NEBL: variants seen among roughly 807,000 people sequenced by gnomAD.
NEBL encodes nebulette, also known as LIM and SH3 protein 2.
A neutral mutation model predicts 140.2 loss-of-function variants in NEBL; 122 were observed. The observed-to-expected ratio is 0.87, with a 90% confidence interval of 0.75 to 1.01. The LOEUF (loss-of-function observed/expected upper bound fraction) is 1.01. NEBL is among the 50% of genes least tolerant of loss of function. The pLI, the probability that NEBL is intolerant of heterozygous loss-of-function variation, is 0.00. For missense variants in NEBL, 1,365 were observed against 1,231.3 expected, an observed-to-expected ratio of 1.11 and a Z score of -1.62; for synonymous variants, 436 against 398.9, an observed-to-expected ratio of 1.09 and a Z score of -1.11.
intron 2 of NEBL, among the ~76,000 whole-genome samples, chr10:21,169,984 C>T (rs113747484): frequency 4.6e-5 from 7 of 152,228 alleles, no homozygotes; most frequent in African/African-American, 1.7e-4. Context: ...CACATCTCAA[C>T]GTTTCTGGGC....
chr10:21,041,924 C>A (rs1834285831), intron 2 of NEBL, among the ~76,000 whole-genome samples: 1 of 152,172 alleles, frequency 6.6e-6, no homozygotes, highest in Admixed American at 6.6e-5. Flanking sequence ...TGTCTTTTAG[C>A]ATTCTAATGC....
chr10:20,999,433 C>T (rs1589123371), intron 3 of NEBL, among the ~76,000 whole-genome samples: 1 of 152,164 alleles, frequency 6.6e-6, no homozygotes, highest in Admixed American at 6.5e-5. Context: ...CCCATCCCTA[C>T]TAAAAATTTA....
At chr10:21,068,095 T>C (rs1015324350) in intron 2 of NEBL, among the ~76,000 whole-genome samples, 7 of 152,316 alleles carry the variant, frequency 4.6e-5, no homozygotes, top group Middle Eastern at 3.4e-3. Context: ...ATTTCTCTAC[T>C]AGGTGGGAAA....
chr10:20,926,678 G>A (rs1170923541), intron 4 of NEBL, among the ~76,000 whole-genome samples: 1 of 152,206 alleles, frequency 6.6e-6, no homozygotes, highest in African/African-American at 2.4e-5. Context: ...TGTGAGCTGA[G>A]CGGGTGCAGG....
At chr10:20,864,823 T>C (rs1484249285) in intron 7 of NEBL, among the ~76,000 whole-genome samples, 1 of 152,188 alleles carries the variant, frequency 6.6e-6, no homozygotes, top group African/African-American at 2.4e-5. Flanking sequence ...ACAAATGGAA[T>C]ACACTGAGTT....
intron 9 of NEBL, among the ~76,000 whole-genome samples, chr10:20,852,855 T>C (rs550079645): frequency 6.6e-6 from 1 of 152,048 alleles, no homozygotes; most frequent in Admixed American, 6.6e-5. Flanking sequence ...GGTCAGCATA[T>C]GAAACACGCA....
At chr10:20,877,996 AACCTCAGGTACT>A (rs1466093780) in intron 5 of NEBL, among the ~76,000 whole-genome samples, 1 of 152,212 alleles carries the variant, frequency 6.6e-6, no homozygotes, top group African/African-American at 2.4e-5. Flanking sequence ...TGAGACGATG[AACCTCAGGTACT>A]ACCCCAGACA....
intron 2 of NEBL, chr10:21,020,348 C>A: frequency 4.2e-6 from 3 of 713,874 alleles, no homozygotes; most frequent in Non-Finnish European, 7.5e-6. Flanking sequence ...ATCTCTCTGT[C>A]ATTATTCCAG....
At chr10:21,045,636 A>G (rs1834475725) in intron 2 of NEBL, among the ~76,000 whole-genome samples, 1 of 152,240 alleles carries the variant, frequency 6.6e-6, no homozygotes, top group African/African-American at 2.4e-5. Context: ...ATCACCAATC[A>G]TCAGGGAAAT....
chr10:21,018,555 T>C (rs1838651857), intron 3 of NEBL, among the ~76,000 whole-genome samples: 1 of 152,214 alleles, frequency 6.6e-6, no homozygotes, highest in Non-Finnish European at 1.5e-5. Context: ...CATCTATTCA[T>C]GGCATTATTA....
intron 3 of NEBL, among the ~76,000 whole-genome samples, chr10:21,238,716 T>TAAAAAA (rs35732687): frequency 9.5e-5 from 9 of 94,482 alleles, no homozygotes; most frequent in South Asian, 4.0e-4. Context: ...TCAAAAAAAT[T>TAAAAAA]AAAAAAAAAA....
At chr10:21,005,458 G>A (rs552324621) in intron 3 of NEBL, among the ~76,000 whole-genome samples, 11 of 152,290 alleles carry the variant, frequency 7.2e-5, no homozygotes, top group African/African-American at 2.6e-4. Flanking sequence ...TATCTGGCCA[G>A]GCACAGTGGC....
At chr10:21,044,343 G>A (rs1309390542) in intron 2 of NEBL, among the ~76,000 whole-genome samples, 6 of 137,842 alleles carry the variant, frequency 4.4e-5, no homozygotes, top group African/African-American at 1.6e-4. Flanking sequence ...GTTGAAGTGA[G>A]CTGAGATGGT....
intron 4 of NEBL, among the ~76,000 whole-genome samples, chr10:20,937,178 T>C (rs1834535256): frequency 6.6e-6 from 1 of 152,132 alleles, no homozygotes; most frequent in Admixed American, 6.5e-5. Flanking sequence ...GTCTCTCAAT[T>C]ACATGTTAAT....
chr10:21,279,289 ATT>A lies in NEBL; in HGVS notation n.182+13539_182+13540del, dbSNP rs33940640. On this transcript the variant is annotated intron_variant and non_coding_transcript_variant, in intron 1 of 8. Coordinates refer to the NEBL transcript ENST00000675702. ...AAATAGCCATCTTTTTATTTTTTCA[ATT>A]TTTTTTTTTTTTTTTTTTAGACAGT... Among the ~76,000 whole-genome samples the A allele has an allele frequency of 2.9e-3, 388 of 131,812 alleles. 6 individuals are homozygous for A. The highest frequency in any genetic ancestry group is 0.01 in the African/African-American group (369 of 36,778). The allele number at this position is 131,812 out of a possible 152,430, so 86.5% of individuals were successfully genotyped here.
At chr10:20,843,938 G>A (rs1289602350) in intron 12 of NEBL, among the ~76,000 whole-genome samples, 4 of 151,946 alleles carry the variant, frequency 2.6e-5, no homozygotes, top group East Asian at 1.9e-4. Flanking sequence ...CCTTTGTATC[G>A]ATTAACCAAC....
intron 3 of NEBL, among the ~76,000 whole-genome samples, chr10:21,017,956 G>A (rs1838623614): frequency 6.6e-6 from 1 of 151,890 alleles, no homozygotes; most frequent in East Asian, 1.9e-4. Flanking sequence ...GAGTAGTTGG[G>A]ATTACAGGCA....
At chr10:21,034,167 G>GCA (rs1833918229) in intron 2 of NEBL, among the ~76,000 whole-genome samples, 1 of 33,506 alleles carries the variant, frequency 3.0e-5, no homozygotes, top group Admixed American at 3.8e-4. Context: ...ACCCTATCTC[G>GCA]AAAAAAAAAA....
At chr10:21,066,815 A>G (rs897374138) in intron 2 of NEBL, among the ~76,000 whole-genome samples, 1 of 95,526 alleles carries the variant, frequency 1.0e-5, no homozygotes, top group Non-Finnish European at 2.7e-5. Flanking sequence ...ATTTTCTTAC[A>G]TTGTTCTGCG....
Sources: gnomAD v4.1 joint callset for allele counts (sites outside exome capture counted in the v4.1 genomes callset) on GRCh38, gnomAD v4.1.1 for gene constraint, MANE v1.5 for transcripts, NCBI Gene and HGNC (gene_info 2026-07-23, HGNC 2026-07-21) for gene names.